Variants in CROCC2 observed in about 807,000 individuals in gnomAD.
CROCC2 encodes ciliary rootlet coiled-coil protein 2.
In CROCC2, 163 loss-of-function variants were observed where a neutral mutation model predicts 177.6. The observed-to-expected ratio is 0.92, with a 90% confidence interval of 0.81 to 1.05. The LOEUF is 1.05. Ranked by LOEUF, CROCC2 falls within the 50% of genes least tolerant of loss-of-function variation. The pLI is 0.00. For missense variants in CROCC2, 1,929 were observed against 1,797.8 expected (o/e 1.07, Z -1.32); for synonymous variants, 904 against 787.3 (o/e 1.15, Z -2.48).
Position 240,918,143 on chromosome 2 carries a change from G to A in CROCC2, c.79-583G>A, listed in dbSNP as rs1040642162. ...TTCATGAAGGACCCACCTGGGTCCC[G>A]ATGGACCGAGCCTGTGGAGGGGCAG... is the stretch of plus-strand genomic sequence containing the variant. On this transcript the variant is annotated intron_variant, in intron 1 of 31. Transcript: ENST00000690015. This position sits in a 1 kb window ranked among gnomAD's most constrained non-coding sequence, Gnocchi z 6.3. Among the ~76,000 whole-genome samples, 1 of 152,226 alleles carries A rather than the reference G, an allele frequency of 6.6e-6. No individual in the cohort carries two copies. The highest frequency in any genetic ancestry group is 6.5e-5 in the Admixed American group (1 of 15,286).
chr2:240,959,452 G>T lies in CROCC2; in HGVS notation c.3087+8G>T. 6.5e-7 allele frequency: 1 copy of T among 1,549,828 alleles called. No homozygotes were observed. Among genetic ancestry groups the T allele is most frequent in the Non-Finnish European group, 8.7e-7 (1 of 1,146,552 alleles). On this transcript the variant is annotated splice_region_variant and intron_variant, in intron 20 of 31. Transcript: ENST00000690015. ...GGCGATGTGGAGAGAGAGGTGAGAG[G>T]CAGGGCTGGGGGGCTCCTGGGGATG...
At chr2:240,931,604 G>C (rs1026060642) in intron 7 of CROCC2, among the ~76,000 whole-genome samples, 6 of 152,214 alleles carry the variant, frequency 3.9e-5, no homozygotes, top group Non-Finnish European at 7.3e-5. Flanking sequence ...CACCCACATC[G>C]GGGGCTCAGA....
intron 14 of CROCC2, among the ~76,000 whole-genome samples, chr2:240,936,562 TA>T (rs1314470554): frequency 6.6e-6 from 1 of 152,244 alleles, no homozygotes; most frequent in Non-Finnish European, 1.5e-5. Flanking sequence ...TTGGGATGAG[TA>T]AACCACATCT....
Position 240,920,005 on chromosome 2 carries a change from C to T in CROCC2, c.252C>T (p.Ala84=). ...CAGCAGGGGTACAGGAGCCGACAGC[C>T]ACTGTGGCCCGAGTGCAAGAGGAGA... ...PPQAGVQEPT[A]TVARVQEENE... The change falls in exon 3 of 32, where the codon GCC becomes GCT. Residue 84 remains alanine, a synonymous_variant. Coordinates refer to ENST00000690015, the MANE Select transcript of CROCC2 (RefSeq NM_001351305.2). The T allele has an allele frequency of 1.4e-6, 1 of 716,768 alleles. No homozygotes were observed. The highest frequency in any genetic ancestry group is 1.5e-5 in the South Asian group (1 of 67,596). The allele number at this position is 716,768 out of a possible 1,614,324, so 44.4% of individuals were successfully genotyped here. A position where few individuals can be genotyped will look rare whatever the true frequency, so the allele number is the denominator to read the frequency against.
In CROCC2 at chr2:240,934,466, C is replaced by T. The variant is rs1161520208; in HGVS notation, c.1782C>T (p.Ala594=). ...VESEREGLRS[A]LARAECSNAD... ...GTGAGAGGGAGGGACTGCGCAGCGCCCTGGCGCGGGTACACTCTGCTCCCC... is the reference window on the plus strand; with the variant it reads ...GTGAGAGGGAGGGACTGCGCAGCGCTCTGGCGCGGGTACACTCTGCTCCCC... The change falls in exon 12 of 32, where the codon GCC becomes GCT. Residue 594 remains alanine (A), a synonymous_variant. Transcript: ENST00000690015. The T allele has an allele frequency of 6.5e-7, 1 of 1,548,002 alleles. No individual in the cohort carries two copies. The highest frequency in any genetic ancestry group is 1.2e-5 in the South Asian group (1 of 83,950).
intron 27 of CROCC2, among the ~76,000 whole-genome samples, chr2:240,976,158 G>A (rs2059762703): frequency 6.6e-6 from 1 of 152,070 alleles, no homozygotes; most frequent in South Asian, 2.1e-4. Flanking sequence ...CAGTCTCTGG[G>A]GTAGGAGCCT....
At chr2:240,911,088 A>G (rs12993089) in intron 1 of CROCC2, among the ~76,000 whole-genome samples, 128,417 of 151,984 alleles carry the variant, frequency 0.84, 55,033 homozygotes, top group Admixed American at 0.92. Flanking sequence ...CCAAGATCGC[A>G]CCACTGTACT....
chr2:240,907,691 G>GTGGGGTGAGCTCTACCTCCTCCACC (rs1553653593), intron 1 of CROCC2, among the ~76,000 whole-genome samples: 2 of 151,844 alleles, frequency 1.3e-5, no homozygotes, highest in Admixed American at 6.6e-5. Context: ...AAGAGGTGCC[G>GTGGGGTGAGCTCTACCTCCTCCACC]TGGGGTGAGC....
Position 240,958,149 on chromosome 2 carries a change from C to T in CROCC2, c.2944-1152C>T, listed in dbSNP as rs1305540032. 1.1e-5 allele frequency: 11 copies of T among 985,270 alleles called. No individual in the cohort carries two copies. The highest frequency in any genetic ancestry group is 1.2e-5 in the Non-Finnish European group (10 of 829,926). 61.0% of individuals were successfully genotyped at this position (985,270 alleles called of 1,614,324 possible). A position where few individuals can be genotyped will look rare whatever the true frequency, so the allele number is the denominator to read the frequency against. On this transcript the variant is annotated intron_variant, in intron 19 of 31. Transcript: ENST00000690015. This position sits in a 1 kb window ranked among gnomAD's most constrained non-coding sequence, Gnocchi z 6.7. ...GAGAGGAGCGGGAGGAGAGGAATGCCGGCCAAGGAGCACCAGGCGCCAGAT... is the reference window on the plus strand; with the variant it reads ...GAGAGGAGCGGGAGGAGAGGAATGCTGGCCAAGGAGCACCAGGCGCCAGAT...
At chr2:240,964,080 G>T in intron 21 of CROCC2, 1 of 551,666 alleles carries the variant, frequency 1.8e-6, no homozygotes, top group Non-Finnish European at 3.2e-6. Context: ...AGCAGAGGGA[G>T]GCCAACGGCC....
chr2:240,985,682 C>CCA (rs780024803), intron 28 of CROCC2, among the ~76,000 whole-genome samples: 1 of 46,136 alleles, frequency 2.2e-5, no homozygotes, highest in Non-Finnish European at 3.5e-5. Flanking sequence ...GGCACTCACT[C>CCA]CACACACACC....
At chr2:240,985,941 G>T (rs2106493262) in intron 28 of CROCC2, 1 of 456,538 alleles carries the variant, frequency 2.2e-6, no homozygotes. Context: ...CCAGCCCACG[G>T]GGTGGCCTCA....
chr2:240,978,356 T>G (rs1257011634), intron 27 of CROCC2, among the ~76,000 whole-genome samples: 4 of 38,044 alleles, frequency 1.1e-4, no homozygotes, highest in South Asian at 1.3e-3. Context: ...CCCTGCTCAG[T>G]CTCTGGGGTA....
At chr2:240,956,434 G>A (rs1020801095) in intron 19 of CROCC2, 13 of 168,518 alleles carry the variant, frequency 7.7e-5, no homozygotes, top group East Asian at 1.6e-4. Flanking sequence ...GGAAACTCTC[G>A]GCAGGAAAGG....
intron 5 of CROCC2, 24 bp downstream of exon 5, chr2:240,925,904 C>A: frequency 1.4e-6 from 1 of 691,332 alleles, no homozygotes; most frequent in South Asian, 1.5e-5. Context: ...CCTTGCTCAC[C>A]TCATGGCGGC....
intron 19 of CROCC2, 40 bp downstream of exon 19, chr2:240,956,012 G>A (rs1391042519): frequency 2.1e-6 from 3 of 1,448,874 alleles, no homozygotes; most frequent in South Asian, 1.2e-5. Context: ...CAGCCAAGCA[G>A]GTGCTGGCAG....
At position 240,925,796 on chromosome 2, in the gene CROCC2, G is replaced by A. The variant is rs573834533; in HGVS notation, c.561G>A (p.Ala187=). The change falls in exon 5 of 32, where the codon GCG becomes GCA. Residue 187 remains alanine (A), a synonymous_variant. Coordinates refer to ENST00000690015, the MANE Select transcript of CROCC2 (RefSeq NM_001351305.2). The part of the protein sequence containing the change: ...QLEHMKKAND[A]LGRELAGMTG... The stretch of plus-strand genomic sequence containing the variant: ...AACATATGAAGAAGGCCAATGACGC[G>A]CTGGGCCGGGAGCTGGCCGGGATGA... 1.9e-4 allele frequency: 133 copies of A among 716,982 alleles called. No individual in the cohort carries two copies. Among genetic ancestry groups the A allele is most frequent in the African/African-American group, 1.8e-3 (101 of 57,388 alleles). 44.4% of individuals were successfully genotyped at this position (716,982 alleles called of 1,614,324 possible).
In CROCC2 at chr2:240,934,879, T is replaced by C. The variant is rs1369871382; in HGVS notation, c.1792-37T>C. ...GCGGCAACAGCCCTGCCCTGGAAGCTGAAGGTCCCTCCCTGGCATCCCCCT... is the reference window on the plus strand; with the variant it reads ...GCGGCAACAGCCCTGCCCTGGAAGCCGAAGGTCCCTCCCTGGCATCCCCCT... On this transcript the variant is annotated intron_variant, in intron 12 of 31. Coordinates refer to ENST00000690015, the MANE Select transcript of CROCC2 (RefSeq NM_001351305.2). 2.7e-6 allele frequency: 4 copies of C among 1,457,528 alleles called. No homozygotes were observed. In the South Asian group the frequency reaches 4.3e-5, roughly 16 times the overall value. The allele number at this position is 1,457,528 out of a possible 1,614,324, so 90.3% of individuals were successfully genotyped here. A position where few individuals can be genotyped will look rare whatever the true frequency, so the allele number is the denominator to read the frequency against.
At chr2:240,980,936 C>G (rs2059793414) in intron 27 of CROCC2, among the ~76,000 whole-genome samples, 1 of 87,718 alleles carries the variant, frequency 1.1e-5, no homozygotes, top group Admixed American at 1.1e-4. Context: ...GGGGTAGGAG[C>G]CTCAGGAGCC....
Sources: gnomAD v4.1 joint callset for allele counts (sites outside exome capture counted in the v4.1 genomes callset) on GRCh38, gnomAD v4.1.1 for gene constraint, Gnocchi (gnomAD v3.1) non-coding constraint, MANE v1.5 for transcripts, NCBI Gene and HGNC (gene_info 2026-07-23, HGNC 2026-07-21) for gene names.